Variants in ENTREP1 observed in about 807,000 individuals in gnomAD.
The protein encoded by ENTREP1 is endosomal transmembrane epsin interactor 1.
At chr9:69,330,164 A>G in the ENTREP1 span, among the ~76,000 whole-genome samples, 1 of 151,972 alleles carries the variant, frequency 6.6e-6, no homozygotes, top group Non-Finnish European at 1.5e-5. Flanking sequence ...TAAGGGAGTT[A>G]GCTAGGTTCC....
At chr9:69,377,507 G>T in the ENTREP1 span, 2 of 1,608,488 alleles carry the variant, frequency 1.2e-6, no homozygotes, top group African/African-American at 1.3e-5. Context: ...TCATGGCCAC[G>T]TTTCCGCTGA....
the ENTREP1 span, among the ~76,000 whole-genome samples, chr9:69,355,761 C>T: frequency 6.6e-6 from 1 of 152,176 alleles, no homozygotes; most frequent in East Asian, 1.9e-4. Flanking sequence ...TCCGTGATGG[C>T]TCTTTCACAT....
At chr9:69,360,112 C>T in the ENTREP1 span, among the ~76,000 whole-genome samples, 1 of 151,964 alleles carries the variant, frequency 6.6e-6, no homozygotes. Context: ...GGAAATTAAA[C>T]ACACATTTAT....
At chr9:69,340,735 A>G in the ENTREP1 span, among the ~76,000 whole-genome samples, 71,808 of 106,218 alleles carry the variant, frequency 0.68, 21,810 homozygotes, top group South Asian at 0.74. Flanking sequence ...GTGTGTGTGT[A>G]TGTGTGTGTG....
the ENTREP1 span, among the ~76,000 whole-genome samples, chr9:69,346,912 G>A: frequency 5.3e-5 from 8 of 152,224 alleles, no homozygotes; most frequent in African/African-American, 1.9e-4. Flanking sequence ...GGCATTTTGA[G>A]TTCCACCTTC....
At chr9:69,391,894 A>T in the ENTREP1 span, 1 of 1,317,144 alleles carries the variant, frequency 7.6e-7, no homozygotes, top group Non-Finnish European at 1.1e-6. Flanking sequence ...CCTCAAAAAA[A>T]AGGAGCACTC....
At chr9:69,353,571 T>A in the ENTREP1 span, among the ~76,000 whole-genome samples, 2 of 152,216 alleles carry the variant, frequency 1.3e-5, no homozygotes, top group South Asian at 4.1e-4. Flanking sequence ...CTAATAATCT[T>A]CCTAATGAAT....
the ENTREP1 span, chr9:69,383,750 C>A: frequency 6.2e-7 from 1 of 1,614,106 alleles, no homozygotes; most frequent in South Asian, 1.1e-5. Flanking sequence ...GCCAGATGGA[C>A]CAGGAGCAGG....
the ENTREP1 span, among the ~76,000 whole-genome samples, chr9:69,335,603 G>C: frequency 1.3e-5 from 2 of 152,156 alleles, no homozygotes; most frequent in Non-Finnish European, 2.9e-5. Context: ...GAAGGGCCTT[G>C]TTTCCCATTT....
the ENTREP1 span, among the ~76,000 whole-genome samples, chr9:69,325,882 G>A: frequency 9.9e-5 from 15 of 152,158 alleles, no homozygotes; most frequent in Non-Finnish European, 1.3e-4. Flanking sequence ...GTTCCGCGAC[G>A]GTCGAGTTCA....
chr9:69,385,676 T>C, the ENTREP1 span: 1 of 1,393,210 alleles, frequency 7.2e-7, no homozygotes, highest in South Asian at 1.7e-5. Flanking sequence ...ATTAACTGCA[T>C]TACCCTTGCC....
At chr9:69,339,955 C>T in the ENTREP1 span, among the ~76,000 whole-genome samples, 1 of 152,158 alleles carries the variant, frequency 6.6e-6, no homozygotes, top group African/African-American at 2.4e-5. Flanking sequence ...TGTTGCCTCT[C>T]CCCAGACTAC....
chr9:69,367,783 A>T, the ENTREP1 span, among the ~76,000 whole-genome samples: 1 of 96,204 alleles, frequency 1.0e-5, no homozygotes, highest in Admixed American at 1.2e-4. Flanking sequence ...ATAAATATAT[A>T]TACACACATA....
At chr9:69,388,129 G>GGGTACATGT in the ENTREP1 span, 2 of 1,613,866 alleles carry the variant, frequency 1.2e-6, no homozygotes, top group Middle Eastern at 1.6e-4. Flanking sequence ...GTTGGCCAAT[G>GGGTACATGT]GGTACATGTT....
the ENTREP1 span, among the ~76,000 whole-genome samples, chr9:69,363,129 A>G: frequency 1.6e-4 from 24 of 152,144 alleles, no homozygotes; most frequent in Non-Finnish European, 3.2e-4. Flanking sequence ...CTTCTTACTC[A>G]TGAAGACCAC....
chr9:69,374,597 T>C, the ENTREP1 span, among the ~76,000 whole-genome samples: 2 of 152,174 alleles, frequency 1.3e-5, no homozygotes, highest in Non-Finnish European at 2.9e-5. Flanking sequence ...GAGCTTGCTG[T>C]CACTCTAATT....
At chr9:69,342,917 G>A in the ENTREP1 span, among the ~76,000 whole-genome samples, 1 of 152,336 alleles carries the variant, frequency 6.6e-6, no homozygotes, top group Admixed American at 6.5e-5. Flanking sequence ...CTGGGCATTG[G>A]GTAAGAACTT....
chr9:69,333,123 T>C, the ENTREP1 span, among the ~76,000 whole-genome samples: 1 of 152,184 alleles, frequency 6.6e-6, no homozygotes, highest in Non-Finnish European at 1.5e-5. Flanking sequence ...TATATACACA[T>C]AGACATGTGT....
chr9:69,345,982 T>A, the ENTREP1 span, among the ~76,000 whole-genome samples: 1 of 151,888 alleles, frequency 6.6e-6, no homozygotes, highest in Non-Finnish European at 1.5e-5. Context: ...TCCACACAAA[T>A]AACACTTTTT....
Sources: gnomAD v4.1 joint callset for allele counts (sites outside exome capture counted in the v4.1 genomes callset) on GRCh38, gnomAD v4.1.1 for gene constraint, MANE v1.5 for transcripts, NCBI Gene and HGNC (gene_info 2026-07-23, HGNC 2026-07-21) for gene names.